The following KRT74 variants were observed in gnomAD, a reference collection of about 807,000 sequenced individuals.
The protein encoded by KRT74 is keratin, type II cytoskeletal 74.
A neutral mutation model predicts 42.7 loss-of-function variants in KRT74; 43 were observed. That is an observed-to-expected ratio of 1.01 (90% CI 0.79 to 1.30). KRT74 has a LOEUF of 1.30. KRT74 is among the 50% of genes most tolerant of loss of function. The pLI is 0.00. For synonymous variants in KRT74, 302 were observed against 279.0 expected, an observed-to-expected ratio of 1.08 and a Z score of -0.82; for missense variants, 736 against 689.1, an observed-to-expected ratio of 1.07 and a Z score of -0.76.
At chr12:52,569,452 G>C (rs930603036) in intron 6 of KRT74, 2 of 613,462 alleles carry the variant, frequency 3.3e-6, no homozygotes, top group African/African-American at 3.7e-5. Flanking sequence ...ATGTCCAGTG[G>C]GAGGAGGAGA....
chr12:52,571,844 G>T, intron 3 of KRT74, 100 bp downstream of exon 3: 1 of 872,388 alleles, frequency 1.1e-6, no homozygotes, highest in Non-Finnish European at 2.0e-6. Context: ...CCCTCACCAG[G>T]CACCAGCCCC....
chr12:52,572,511 C>T lies in KRT74; in HGVS notation c.628G>A (p.Val210Met), dbSNP rs1189151933. The T allele has an allele frequency of 4.3e-6, 7 of 1,614,086 alleles. No individual in the cohort carries two copies. The highest frequency in any genetic ancestry group is 4.0e-5 in the African/African-American group (3 of 74,914). ...CTTCTCAGCTCCGAGTCCAGCCTCA[C>T]CCTGTCCCCAGACAGTGTCTCCAGC... The part of the protein sequence containing the change: ...KQLETLSGDR[V>M]RLDSELRSMR... The change falls in exon 2 of 9, where the codon GTG becomes ATG. Residue 210 changes from valine (V) to methionine (M), a missense_variant. Val to Met is a conservative substitution (Grantham distance 21, BLOSUM62 1). Coordinates refer to ENST00000305620, the MANE Select transcript of KRT74 (RefSeq NM_175053.4).
intron 6 of KRT74, among the ~76,000 whole-genome samples, chr12:52,569,225 T>C (rs1237464125): frequency 6.6e-6 from 1 of 151,948 alleles, no homozygotes; most frequent in East Asian, 1.9e-4. Context: ...ACGCAGTGTT[T>C]AAAATTTGCT....
chr12:52,570,789 G>A lies in KRT74; in HGVS notation c.888C>T (p.Ile296=), dbSNP rs758888418. 3 of 1,614,248 alleles carry A rather than the reference G, an allele frequency of 1.9e-6. No individual in the cohort carries two copies. Among genetic ancestry groups the A allele is most frequent in the South Asian group, 1.1e-5 (1 of 91,090 alleles). The change falls in exon 5 of 9, where the codon ATC becomes ATT. Residue 296 remains isoleucine, a synonymous_variant. Coordinates refer to ENST00000305620, the MANE Select transcript of KRT74 (RefSeq NM_175053.4). ...IQTHASETSV[I]LSMDNNRDLD... The stretch of plus-strand genomic sequence containing the variant: ...GGTCCCGGTTGTTGTCCATGGACAG[G>A]ATGACAGAGGTCTCACTGGCGTGAG...
chr12:52,572,751 G>T (rs1939510431), intron 1 of KRT74, 84 bp from the exon 2 acceptor site: 11 of 1,269,294 alleles, frequency 8.7e-6, no homozygotes, highest in Non-Finnish European at 1.3e-5. Flanking sequence ...CCCCAGGTTT[G>T]CCATAGATTG....
chr12:52,567,092 T>G lies in KRT74; in HGVS notation c.1467A>C (p.Ala489=), dbSNP rs749251835. ...AGVDLGASAV[A]GSSGSTQSGQ... The stretch of plus-strand genomic sequence containing the variant: ...CGCTCTGGGTGCTGCCAGAGCTGCC[T>G]GCCACAGCGCTGGCCCCAAGGTCAA... Residue 489 remains alanine (A), a synonymous_variant, in exon 9 of 9, where the codon GCA becomes GCC. Coordinates refer to ENST00000305620, the MANE Select transcript of KRT74 (RefSeq NM_175053.4). 1 of 1,599,996 alleles carries G rather than the reference T, an allele frequency of 6.3e-7. No homozygotes were observed. Among genetic ancestry groups the G allele is most frequent in the Non-Finnish European group, 8.6e-7 (1 of 1,169,036 alleles).
rs1478029159 is a variant in KRT74 at position 52,566,648 on chromosome 12, T to G, written c.*321A>C. On this transcript the variant is annotated 3_prime_UTR_variant, in exon 9 of 9. Transcript: ENST00000305620. Reference sequence around the variant, plus strand: ...AACCAGCCCCTCCCCTGTCGTCTCCTGCTCCTTCCCTCTTTCTAGGGATGA... The same window carrying G: ...AACCAGCCCCTCCCCTGTCGTCTCCGGCTCCTTCCCTCTTTCTAGGGATGA... 1 of 301,228 alleles carries G rather than the reference T, an allele frequency of 3.3e-6. No homozygotes were observed. Among genetic ancestry groups the G allele is most frequent in the African/African-American group, 2.1e-5 (1 of 46,916 alleles). The allele number at this position is 301,228 out of a possible 1,614,324, so 18.7% of individuals were successfully genotyped here.
At chr12:52,567,398 A>G (rs1428410621) in intron 8 of KRT74, among the ~76,000 whole-genome samples, 2 of 152,154 alleles carry the variant, frequency 1.3e-5, no homozygotes, top group African/African-American at 2.4e-5. Flanking sequence ...CCCTCCTGGA[A>G]ATGCTAGGAA....
At position 52,572,658 on chromosome 12, in the gene KRT74, G is replaced by C; in HGVS notation, c.481C>G (p.Leu161Val). ...TCTAGAACCTGGTTCTGCTGCTCTA[G>C]GAAGCGTACCTGGAACCCAAATCAA... ...FASFIDKVRFLEQQNQVLETK... is the reference protein window; with the variant it reads ...FASFIDKVRFVEQQNQVLETK... The change falls in exon 2 of 9, where the codon CTA (leucine) becomes GTA (valine). Residue 161 changes from leucine (L) to valine (V), a missense_variant. Physicochemically the swap from Leu to Val is conservative, Grantham distance 32 (BLOSUM62 1). Coordinates refer to ENST00000305620, the MANE Select transcript of KRT74 (RefSeq NM_175053.4). The C allele has an allele frequency of 1.9e-6, 3 of 1,614,174 alleles. No homozygotes were observed. Among genetic ancestry groups the C allele is most frequent in the Non-Finnish European group, 2.5e-6 (3 of 1,180,024 alleles).
Position 52,572,532 on chromosome 12 carries a change from C to G in KRT74, c.607G>C (p.Glu203Gln). The G allele has an allele frequency of 6.2e-7, 1 of 1,614,212 alleles. No individual in the cohort carries two copies. Among genetic ancestry groups the G allele is most frequent in the African/African-American group, 1.3e-5 (1 of 75,048 alleles). ...CTCACCCTGTCCCCAGACAGTGTCTCCAGCTGCTTCCGCAGGTTGCTGATG... is the reference window on the plus strand; with the variant it reads ...CTCACCCTGTCCCCAGACAGTGTCTGCAGCTGCTTCCGCAGGTTGCTGATG... ...GYISNLRKQL[E>Q]TLSGDRVRLD... The change falls in exon 2 of 9, where the codon GAG becomes CAG. Residue 203 changes from glutamate to glutamine, a missense_variant. Coordinates refer to ENST00000305620, the MANE Select transcript of KRT74 (RefSeq NM_175053.4).
At chr12:52,570,929 G>A in intron 4 of KRT74, 96 bp from the exon 5 acceptor site, 4 of 1,419,290 alleles carry the variant, frequency 2.8e-6, no homozygotes, top group Non-Finnish European at 4.0e-6. Flanking sequence ...CCAATAGGCT[G>A]CTAGGATCCA....
chr12:52,567,592 A>G, intron 8 of KRT74, 67 bp downstream of exon 8: 2 of 1,114,750 alleles, frequency 1.8e-6, no homozygotes, highest in Non-Finnish European at 1.4e-6. Context: ...CAGTAAATGG[A>G]GGTGACATCA....
At position 52,570,791 on chromosome 12, in the gene KRT74, T is replaced by C. The variant is rs778046092; in HGVS notation, c.886A>G (p.Ile296Val). Residue 296 changes from isoleucine to valine, a missense_variant, in exon 5 of 9, where the codon ATC becomes GTC. Physicochemically the swap from Ile to Val is conservative, Grantham distance 29 (BLOSUM62 3). Transcript: ENST00000305620. Reference protein sequence around the residue: ...IQTHASETSVILSMDNNRDLD... With the variant: ...IQTHASETSVVLSMDNNRDLD... ...TCCCGGTTGTTGTCCATGGACAGGA[T>C]GACAGAGGTCTCACTGGCGTGAGTC... 2.5e-6 allele frequency: 4 copies of C among 1,614,110 alleles called. No individual in the cohort carries two copies. The highest frequency in any genetic ancestry group is 2.5e-6 in the Non-Finnish European group (3 of 1,180,038).
chr12:52,571,898 A>C (rs1226469145), intron 3 of KRT74, 46 bp downstream of exon 3: 1 of 1,261,208 alleles, frequency 7.9e-7, no homozygotes. Context: ...AGTTGTTAAG[A>C]TGGGGGTGCG....
rs1187121585 is a variant in KRT74, at chr12:52,571,528, A to G, written c.748-74T>C. 10 of 1,040,552 alleles carry G rather than the reference A, an allele frequency of 9.6e-6. No homozygotes were observed. In the African/African-American group the frequency reaches 1.4e-4, roughly 15 times the overall value. 64.5% of individuals were successfully genotyped at this position (1,040,552 alleles called of 1,614,324 possible). A position where few individuals can be genotyped will look rare whatever the true frequency, so the allele number is the denominator to read the frequency against. ...GCTGCCCTGCCCAACTCCTGCCTCAAAGCCACCTGATTTTCTATTTTCTAC... is the reference window on the plus strand; with the variant it reads ...GCTGCCCTGCCCAACTCCTGCCTCAGAGCCACCTGATTTTCTATTTTCTAC... On this transcript the variant is annotated intron_variant, in intron 3 of 8. Coordinates refer to ENST00000305620, the MANE Select transcript of KRT74 (RefSeq NM_175053.4).
In KRT74 at chr12:52,570,597, A is replaced by G. The variant is rs1034548511; in HGVS notation, c.1008+72T>C. Reference sequence around the variant, plus strand: ...CAGCATGCCCACAAAAGTATTCCTCACATTCACTGTGCAGGTGACCCCTCC... The same window carrying G: ...CAGCATGCCCACAAAAGTATTCCTCGCATTCACTGTGCAGGTGACCCCTCC... On this transcript the variant is annotated intron_variant, in intron 5 of 8. Transcript: ENST00000305620. 1.6e-5 allele frequency: 24 copies of G among 1,516,646 alleles called. No homozygotes were observed. The Admixed American group carries it at 2.9e-4, about 18-fold the overall frequency. 93.9% of individuals were successfully genotyped at this position (1,516,646 alleles called of 1,614,324 possible).
At chr12:52,573,273 G>T (rs780746799) in intron 1 of KRT74, 34 bp downstream of exon 1, 1 of 1,588,798 alleles carries the variant, frequency 6.3e-7, no homozygotes, top group Admixed American at 1.7e-5. Flanking sequence ...TCAGGCCTCA[G>T]GGTGCGGCCT....
At position 52,573,748 on chromosome 12, in the gene KRT74, A is replaced by G; in HGVS notation, c.30T>C (p.Ser10=). The G allele has an allele frequency of 6.2e-7, 1 of 1,613,840 alleles. No homozygotes were observed. ...GCACACTGAAGTTGCCCTTGTCACCACTGGACTTGATGTTCAGTTGCCGAC... is the reference window on the plus strand; with the variant it reads ...GCACACTGAAGTTGCCCTTGTCACCGCTGGACTTGATGTTCAGTTGCCGAC... MSRQLNIKS[S]GDKGNFSVHS... is the part of the protein sequence containing the mutation. The change falls in exon 1 of 9, where the codon AGT becomes AGC. Residue 10 remains serine, a synonymous_variant. Coordinates refer to ENST00000305620, the MANE Select transcript of KRT74 (RefSeq NM_175053.4).
chr12:52,571,332 AG>A, intron 4 of KRT74, 26 bp downstream of exon 4: 1 of 1,361,280 alleles, frequency 7.3e-7, no homozygotes, highest in Non-Finnish European at 1.1e-6. Flanking sequence ...AGGCAGGGTG[AG>A]GGTGGGGGGA....
Sources: gnomAD v4.1 joint callset for allele counts (sites outside exome capture counted in the v4.1 genomes callset) on GRCh38, gnomAD v4.1.1 for gene constraint, MANE v1.5 for transcripts, NCBI Gene and HGNC (gene_info 2026-07-23, HGNC 2026-07-21) for gene names.